ARHGAP31: variants seen among roughly 807,000 people sequenced by gnomAD.
ARHGAP31 encodes the protein Rho GTPase activating protein 31.
Under a neutral mutation model 113.9 loss-of-function variants are expected in ARHGAP31, and 34 were observed. The ratio of observed to expected loss-of-function variants is 0.30; its 90% confidence interval spans 0.23 to 0.40. The LOEUF (loss-of-function observed/expected upper bound fraction) is 0.40. Among genes scored for constraint, ARHGAP31 ranks in the 10% least tolerant of loss-of-function variants. The pLI, the probability that ARHGAP31 is intolerant of heterozygous loss-of-function variation, is 1.00. For missense variants in ARHGAP31, 1,548 were observed against 1,767.1 expected, an observed-to-expected ratio of 0.88 and a Z score of 2.22; for synonymous variants, 650 against 684.8, an observed-to-expected ratio of 0.95 and a Z score of 0.79.
At chr3:119,393,386 C>A in intron 7 of ARHGAP31, 81 bp from the exon 8 acceptor site, 1 of 1,543,186 alleles carries the variant, frequency 6.5e-7, no homozygotes, top group Non-Finnish European at 8.9e-7. Context: ...GAGGACATAA[C>A]TGGAATATTT....
chr3:119,376,263 C>T (rs1254193565), intron 3 of ARHGAP31, among the ~76,000 whole-genome samples: 3 of 152,040 alleles, frequency 2.0e-5, no homozygotes, highest in Non-Finnish European at 4.4e-5. Flanking sequence ...CTGAGGTGGG[C>T]GGATCACTTG....
At chr3:119,357,878 C>T (rs1559978442) in intron 1 of ARHGAP31, among the ~76,000 whole-genome samples, 1 of 152,216 alleles carries the variant, frequency 6.6e-6, no homozygotes, top group African/African-American at 2.4e-5. Flanking sequence ...TTACTTATAA[C>T]ATCACTCTTT....
intron 1 of ARHGAP31, among the ~76,000 whole-genome samples, chr3:119,302,848 T>C (rs577416315): frequency 6.6e-6 from 1 of 152,338 alleles, no homozygotes; most frequent in South Asian, 2.1e-4. Context: ...GCTTTGTTTT[T>C]CCCACAGCCT....
chr3:119,385,028 CA>C (rs1409987381), intron 6 of ARHGAP31, among the ~76,000 whole-genome samples: 1 of 151,666 alleles, frequency 6.6e-6, no homozygotes, highest in Non-Finnish European at 1.5e-5. Flanking sequence ...AGATTCAAGC[CA>C]TTCTCCTGCC....
At chr3:119,330,518 C>T (rs2079883170) in intron 1 of ARHGAP31, among the ~76,000 whole-genome samples, 1 of 152,212 alleles carries the variant, frequency 6.6e-6, no homozygotes, top group Non-Finnish European at 1.5e-5. Flanking sequence ...TGGTTGTTTA[C>T]AGTGTAGATG....
chr3:119,342,980 C>T lies in ARHGAP31; in HGVS notation c.101-22336C>T, dbSNP rs1026013029. Among the ~76,000 whole-genome samples, 5 of 151,910 alleles carry T rather than the reference C, an allele frequency of 3.3e-5. No homozygotes were observed. In the South Asian group the frequency reaches 1.0e-3, roughly 31 times the overall value. ...AAAAAAATAAAAAAGGACAAATACA[C>T]ACAATGTTACAATGAAATTAGCATC... On this transcript the variant is annotated intron_variant, in intron 1 of 11. Transcript: ENST00000264245.
intron 1 of ARHGAP31, among the ~76,000 whole-genome samples, chr3:119,349,236 A>G (rs1306495959): frequency 6.6e-6 from 1 of 152,224 alleles, no homozygotes; most frequent in East Asian, 1.9e-4. Context: ...AATACTTTAC[A>G]TCTTATCCCT....
chr3:119,331,549 G>T (rs180946952), intron 1 of ARHGAP31, among the ~76,000 whole-genome samples: 2 of 151,940 alleles, frequency 1.3e-5, no homozygotes, highest in Non-Finnish European at 1.5e-5. Context: ...ACCTGCAAAC[G>T]CTCATGAATA....
At chr3:119,329,498 G>A (rs577069618) in intron 1 of ARHGAP31, among the ~76,000 whole-genome samples, 1 of 152,290 alleles carries the variant, frequency 6.6e-6, no homozygotes, top group Non-Finnish European at 1.5e-5. Context: ...ATCTATACCT[G>A]GCTGGGATCC....
chr3:119,407,989 C>G (rs1363239808), intron 10 of ARHGAP31, among the ~76,000 whole-genome samples: 1 of 152,156 alleles, frequency 6.6e-6, no homozygotes, highest in Non-Finnish European at 1.5e-5. Context: ...TACAGTATAA[C>G]AGCTATTTGC....
intron 1 of ARHGAP31, among the ~76,000 whole-genome samples, chr3:119,332,633 T>TCACACACACA (rs1430812568): frequency 3.2e-5 from 2 of 61,548 alleles, no homozygotes; most frequent in Non-Finnish European, 7.1e-5. Context: ...TCTCTCTCTC[T>TCACACACACA]CTCACACACA....
intron 1 of ARHGAP31, among the ~76,000 whole-genome samples, chr3:119,364,074 G>A (rs952255643): frequency 6.6e-6 from 1 of 152,072 alleles, no homozygotes; most frequent in Non-Finnish European, 1.5e-5. Context: ...GAGCTGGCTG[G>A]TTCTCTCAAA....
At chr3:119,326,696 C>T (rs576669446) in intron 1 of ARHGAP31, among the ~76,000 whole-genome samples, 1 of 152,280 alleles carries the variant, frequency 6.6e-6, no homozygotes, top group Admixed American at 6.5e-5. Context: ...GTTCAGAAAC[C>T]TGTGTTTTAG....
intron 1 of ARHGAP31, among the ~76,000 whole-genome samples, chr3:119,363,716 T>C (rs984572473): frequency 2.0e-5 from 3 of 152,182 alleles, no homozygotes; most frequent in Admixed American, 2.0e-4. Flanking sequence ...CAGTCCAGCT[T>C]AGAATTGTGT....
chr3:119,384,806 T>A (rs1406280748), intron 6 of ARHGAP31, among the ~76,000 whole-genome samples: 1 of 152,156 alleles, frequency 6.6e-6, no homozygotes, highest in Non-Finnish European at 1.5e-5. Flanking sequence ...CATTAAGCAA[T>A]CACTCCACAT....
rs1017382391 is a variant in ARHGAP31, at chr3:119,420,669, A to T, written c.*4405A>T. Reference sequence around the variant, plus strand: ...CTTTGCAATAACTTAATGTCATAGTACTTTCTGGCTTATAATTCTGCAAAG... The same window carrying T: ...CTTTGCAATAACTTAATGTCATAGTTCTTTCTGGCTTATAATTCTGCAAAG... On this transcript the variant is annotated 3_prime_UTR_variant, in exon 12 of 12. Transcript: ENST00000264245. 1.3e-5 allele frequency: 2 copies of T among 152,226 alleles called. No individual in the cohort carries two copies. Among genetic ancestry groups the T allele is most frequent in the African/African-American group, 2.4e-5 (1 of 41,464 alleles). The allele number at this position is 152,226 out of a possible 1,614,324, so 9.4% of individuals were successfully genotyped here.
intron 1 of ARHGAP31, among the ~76,000 whole-genome samples, chr3:119,332,512 A>G (rs1163800196): frequency 1.3e-5 from 2 of 151,868 alleles, no homozygotes; most frequent in Admixed American, 6.6e-5. Context: ...GATTCCCTGT[A>G]TTTTAAGATG....
At position 119,415,238 on chromosome 3, in the gene ARHGAP31, G is replaced by T. The variant is rs775998281; in HGVS notation, c.3309G>T (p.Arg1103Ser). The T allele has an allele frequency of 1.9e-6, 3 of 1,614,184 alleles. No individual in the cohort carries two copies. The highest frequency in any genetic ancestry group is 2.5e-6 in the Non-Finnish European group (3 of 1,180,024). ...TECGPPKGKN[R>S]PSSLNLDPAI... is the part of the protein sequence containing the mutation. ...GTGGGCCCCCAAAAGGGAAAAACAG[G>T]CCTTCTTCCCTCAACTTGGACCCTG... The change falls in exon 12 of 12, where the codon AGG becomes AGT. Residue 1103 changes from arginine to serine, a missense_variant. By Grantham distance (110) the Arg-to-Ser change is moderately radical (BLOSUM62 -1). Coordinates refer to ENST00000264245, the MANE Select transcript of ARHGAP31 (RefSeq NM_020754.4).
intron 1 of ARHGAP31, among the ~76,000 whole-genome samples, chr3:119,313,914 G>C (rs1342371241): frequency 6.6e-6 from 1 of 152,156 alleles, no homozygotes; most frequent in Non-Finnish European, 1.5e-5. Flanking sequence ...TTCTTATAGT[G>C]GGCAAAAGGA....
Sources: gnomAD v4.1 joint callset for allele counts (sites outside exome capture counted in the v4.1 genomes callset) on GRCh38, gnomAD v4.1.1 for gene constraint, MANE v1.5 for transcripts, NCBI Gene and HGNC (gene_info 2026-07-23, HGNC 2026-07-21) for gene names.